The following ATP11C variants were observed in gnomAD, a reference collection of about 807,000 sequenced individuals.
The protein encoded by ATP11C is phospholipid-transporting ATPase IG.
ATP11C carries 36 observed loss-of-function variants against 97.4 expected under a neutral mutation model. The ratio of observed to expected loss-of-function variants is 0.37; its 90% CI spans 0.28 to 0.49. The LOEUF is 0.49. Among genes scored for constraint, ATP11C ranks in the 20% least tolerant of loss-of-function variants. The pLI is 0.98. For missense variants in ATP11C, 730 were observed against 824.6 expected (o/e 0.89, Z 1.40); for synonymous variants, 275 against 290.9 (o/e 0.95, Z 0.56).
chrX:139,731,637 T>G lies in ATP11C; in HGVS notation c.*3+14A>C. On this transcript the variant is annotated intron_variant, in intron 29 of 29. Transcript: ENST00000682941. ...GATTTTTTAAAGCCAGCCCATTTGTTTAACACTAGGTACCTGTTACAATAC... is the reference window on the plus strand; with the variant it reads ...GATTTTTTAAAGCCAGCCCATTTGTGTAACACTAGGTACCTGTTACAATAC... 1 of 1,098,107 alleles carries G rather than the reference T, an allele frequency of 9.1e-7. No homozygotes were observed. The highest frequency in any genetic ancestry group is 1.2e-6 in the Non-Finnish European group (1 of 812,555). 90.5% of individuals were successfully genotyped at this position (1,098,107 alleles called of 1,213,427 possible). A position where few individuals can be genotyped will look rare whatever the true frequency, so the allele number is the denominator to read the frequency against.
chrX:139,877,590 G>A (rs749208818), intron 1 of ATP11C, among the ~76,000 whole-genome samples: 1 of 112,035 alleles, frequency 8.9e-6, no homozygotes, highest in East Asian at 2.8e-4. Context: ...GAATGAAAAT[G>A]TTAAAGAATT....
chrX:139,777,262 G>A (rs758659388), intron 18 of ATP11C, among the ~76,000 whole-genome samples: 2 of 110,217 alleles, frequency 1.8e-5, no homozygotes, highest in Non-Finnish European at 3.8e-5. Flanking sequence ...AGAGAAAGTT[G>A]AAACTCAACA....
chrX:139,742,875 AAATATATATATATATATATAT>A (rs1158005537), intron 26 of ATP11C, among the ~76,000 whole-genome samples: 4 of 25,976 alleles, frequency 1.5e-4, no homozygotes, highest in East Asian at 2.8e-3. Flanking sequence ...AAAAAAAAAA[AAATATATATATATATATATAT>A]ATATATATAT....
chrX:139,790,464 T>TCACA (rs56853640), intron 12 of ATP11C, among the ~76,000 whole-genome samples: 4,870 of 99,130 alleles, frequency 0.049, 130 homozygotes, highest in Non-Finnish European at 0.065. Flanking sequence ...TCTCTCTCAC[T>TCACA]CACACACACA....
intron 1 of ATP11C, among the ~76,000 whole-genome samples, chrX:139,926,216 T>C (rs1296773075): frequency 9.1e-6 from 1 of 110,413 alleles, no homozygotes; most frequent in African/African-American, 3.3e-5. Flanking sequence ...CCAGAAAAAC[T>C]CCCCCAGTCT....
At chrX:139,887,540 A>C (rs981465561) in intron 1 of ATP11C, among the ~76,000 whole-genome samples, 2 of 111,345 alleles carry the variant, frequency 1.8e-5, no homozygotes, top group Non-Finnish European at 3.8e-5. Flanking sequence ...AGGTAGGAGG[A>C]TTGCTTGAGT....
intron 1 of ATP11C, among the ~76,000 whole-genome samples, chrX:139,919,444 AACACACAC>A (rs370999462): frequency 0.052 from 3,868 of 73,872 alleles, 180 homozygotes; most frequent in African/African-American, 0.14. Context: ...CTCAAACTTA[AACACACAC>A]ACACACACAC....
chrX:139,881,363 A>G (rs936547695), intron 1 of ATP11C, among the ~76,000 whole-genome samples: 4 of 111,406 alleles, frequency 3.6e-5, no homozygotes, highest in African/African-American at 1.3e-4. Context: ...AGAATATTTC[A>G]TAAGGAGTAT....
At chrX:139,876,734 A>T (rs1470288271) in intron 1 of ATP11C, among the ~76,000 whole-genome samples, 2 of 112,129 alleles carry the variant, frequency 1.8e-5, no homozygotes, top group African/African-American at 6.5e-5. Flanking sequence ...ACGATGTAGA[A>T]AGTGTTTTAA....
chrX:139,923,622 A>T (rs1441725884), intron 1 of ATP11C, among the ~76,000 whole-genome samples: 1 of 112,219 alleles, frequency 8.9e-6, no homozygotes, highest in Non-Finnish European at 1.9e-5. Flanking sequence ...ACTGCAAAAT[A>T]CATTAATTGT....
chrX:139,835,068 A>G (rs1238838104), intron 1 of ATP11C, among the ~76,000 whole-genome samples: 2 of 112,230 alleles, frequency 1.8e-5, no homozygotes, highest in Non-Finnish European at 3.8e-5. Context: ...TCTATGCTAG[A>G]GTCCACTGGT....
intron 24 of ATP11C, among the ~76,000 whole-genome samples, chrX:139,748,167 A>G (rs960871209): frequency 5.4e-5 from 6 of 111,713 alleles, no homozygotes; most frequent in African/African-American, 1.6e-4. Flanking sequence ...AAAACTTGTC[A>G]GGCACTATTT....
rs1447895752 is a variant in ATP11C, at chrX:139,930,577, C to T, written c.27+1439G>A. On this transcript the variant is annotated intron_variant, in intron 1 of 29. Coordinates refer to ENST00000682941, the MANE Select transcript of ATP11C (RefSeq NM_001353812.2). ...TGAAACAGCTATTAAGAACAATACC[C>T]GCTTGCATTCTCAGGCTAAATGTGA... Among the ~76,000 whole-genome samples, 3 of 111,535 alleles carry T rather than the reference C, an allele frequency of 2.7e-5. No individual in the cohort carries two copies. In the Admixed American group the frequency reaches 2.9e-4, roughly 11 times the overall value.
At chrX:139,820,711 G>A (rs1269026507) in intron 2 of ATP11C, among the ~76,000 whole-genome samples, 1 of 110,775 alleles carries the variant, frequency 9.0e-6, no homozygotes, top group African/African-American at 3.3e-5. Flanking sequence ...ACTGTCAACT[G>A]CAGAACTCTT....
chrX:139,889,863 C>A (rs1465328208), intron 1 of ATP11C, among the ~76,000 whole-genome samples: 1 of 111,781 alleles, frequency 8.9e-6, no homozygotes, highest in African/African-American at 3.3e-5. Context: ...GGTATTTATT[C>A]AAAACAGGCT....
At chrX:139,854,773 G>A (rs1292585869) in intron 1 of ATP11C, among the ~76,000 whole-genome samples, 1 of 111,749 alleles carries the variant, frequency 8.9e-6, no homozygotes, top group Non-Finnish European at 1.9e-5. Context: ...ATAAGAATGT[G>A]GATTTTTACC....
At chrX:139,866,351 A>AAAAAAAAAAAAAAAAAC in intron 1 of ATP11C, among the ~76,000 whole-genome samples, 1 of 94,565 alleles carries the variant, frequency 1.1e-5, no homozygotes, top group East Asian at 3.1e-4. Context: ...CTCAAAAAAA[A>AAAAAAAAAAAAAAAAAC]AAAAAAAAAA....
In ATP11C at chrX:139,727,888, T is replaced by C. The variant is rs554393804; in HGVS notation, c.*1078A>G. The C allele has an allele frequency of 2.7e-5, 3 of 112,309 alleles. No homozygotes were observed. The South Asian group carries it at 1.1e-3, about 41-fold the overall frequency. 9.3% of individuals were successfully genotyped at this position (112,309 alleles called of 1,213,427 possible). A position where few individuals can be genotyped will look rare whatever the true frequency, so the allele number is the denominator to read the frequency against. On this transcript the variant is annotated 3_prime_UTR_variant, in exon 30 of 30. Coordinates refer to ENST00000682941, the MANE Select transcript of ATP11C (RefSeq NM_001353812.2). The stretch of plus-strand genomic sequence containing the variant: ...TCCAAGTTAAGAGACAACATTCATC[T>C]TCACAGAGTCATGGCTCTACAAGCT...
chrX:139,729,423 G>C (rs2081298656), intron 29 of ATP11C, among the ~76,000 whole-genome samples: 1 of 111,868 alleles, frequency 8.9e-6, no homozygotes, highest in African/African-American at 3.2e-5. Context: ...TGTTAATTTT[G>C]ACAGAGGAAG....
Sources: allele counts gnomAD v4.1 joint callset (sites outside exome capture counted in the v4.1 genomes callset), GRCh38; gene constraint gnomAD v4.1.1; transcripts MANE v1.5; gene names NCBI Gene and HGNC (gene_info 2026-07-23, HGNC 2026-07-21).